The following TMEM131L variants were observed in gnomAD, a reference collection of about 807,000 sequenced individuals.
TMEM131L encodes transmembrane 131 like, also known as transmembrane protein 131-like.
TMEM131L carries 54 observed loss-of-function variants against 192.2 expected under a neutral mutation model. That is an observed-to-expected ratio of 0.28 (90% CI 0.23 to 0.35). The LOEUF (loss-of-function observed/expected upper bound fraction) is 0.35. TMEM131L is among the 10% of genes least tolerant of loss of function. TMEM131L has a pLI of 1.00. For synonymous variants in TMEM131L, 701 were observed against 704.9 expected (o/e 0.99, Z 0.09); for missense variants, 1,888 against 1,972.9 (o/e 0.96, Z 0.82).
chr4:153,604,193 C>A lies in TMEM131L; in HGVS notation c.3181C>A (p.Leu1061Met). ...CTTACTGAATAAAGAAGAAAACACA[C>A]TGAAAAACACAATTGTTTTCAGTAA... ...KNLLNKEENT[L>M]KNTIVFSNPS... Residue 1061 changes from leucine (L) to methionine (M), a missense_variant, in exon 25 of 35, where the codon CTG becomes ATG. Physicochemically the swap from Leu to Met is conservative, Grantham distance 15. Transcript: ENST00000409959. 1 of 1,614,110 alleles carries A rather than the reference C, an allele frequency of 6.2e-7. No homozygotes were observed. Among genetic ancestry groups the A allele is most frequent in the South Asian group, 1.1e-5 (1 of 91,080 alleles).
intron 7 of TMEM131L, among the ~76,000 whole-genome samples, chr4:153,563,869 T>G (rs886827144): frequency 3.3e-5 from 5 of 152,092 alleles, no homozygotes; most frequent in Admixed American, 1.3e-4. Context: ...TGCATTCAGT[T>G]TTTCTTATTC....
intron 6 of TMEM131L, 71 bp downstream of exon 6, chr4:153,557,153 T>C: frequency 1.4e-6 from 1 of 722,554 alleles, no homozygotes; most frequent in Non-Finnish European, 2.5e-6. Context: ...TGTATATTTT[T>C]AAAAAGACTT....
At chr4:153,503,789 A>G (rs1057007518) in intron 3 of TMEM131L, among the ~76,000 whole-genome samples, 2 of 152,198 alleles carry the variant, frequency 1.3e-5, no homozygotes, top group Non-Finnish European at 2.9e-5. Flanking sequence ...AAGTACTCTA[A>G]AAGTGATGAA....
rs139456512 is a variant in TMEM131L at position 153,515,761 on chromosome 4, T to A, written c.240-34312T>A. Among the ~76,000 whole-genome samples, 205 of 152,346 alleles carry A rather than the reference T, an allele frequency of 1.3e-3. 1 individual carries two copies. The highest frequency in any genetic ancestry group is 4.7e-3 in the African/African-American group (197 of 41,572). On this transcript the variant is annotated intron_variant, in intron 3 of 34. Coordinates refer to ENST00000409959, the MANE Select transcript of TMEM131L (RefSeq NM_001131007.2). ...TACATTCTCACCAACCAACAGTTAA[T>A]AGATGAGTTTATTATAGCCCTTCTA...
intron 28 of TMEM131L, 104 bp downstream of exon 28, chr4:153,621,953 C>T: frequency 9.0e-7 from 1 of 1,108,100 alleles, no homozygotes; most frequent in Non-Finnish European, 1.3e-6. Context: ...TTTATCTCTA[C>T]AGGCAACTTA....
At chr4:153,488,240 G>A (rs181830874) in intron 3 of TMEM131L, among the ~76,000 whole-genome samples, 128 of 152,304 alleles carry the variant, frequency 8.4e-4, no homozygotes, top group Non-Finnish European at 9.4e-4. Flanking sequence ...ACCAGTGTGA[G>A]TGGGGTTGTT....
chr4:153,595,064 A>G (rs935646824), intron 19 of TMEM131L, among the ~76,000 whole-genome samples: 26 of 152,314 alleles, frequency 1.7e-4, no homozygotes, highest in African/African-American at 5.8e-4. Flanking sequence ...CCCAAGAAAT[A>G]TTATATATTT....
chr4:153,545,290 C>CTTTTTTTTTTTTTT (rs59852943), intron 3 of TMEM131L, among the ~76,000 whole-genome samples: 1 of 132,326 alleles, frequency 7.6e-6, no homozygotes, highest in East Asian at 2.5e-4. Flanking sequence ...CTTTTTCAAA[C>CTTTTTTTTTTTTTT]TTTTTTTTTT....
At chr4:153,549,926 C>T (rs1213311729) in intron 3 of TMEM131L, 147 bp from the exon 4 acceptor site, 2 of 423,262 alleles carry the variant, frequency 4.7e-6, no homozygotes, top group Non-Finnish European at 8.6e-6. Flanking sequence ...TTATACCAGA[C>T]TTCTAATAGT....
At chr4:153,585,035 C>T (rs1730606357) in intron 12 of TMEM131L, 104 bp downstream of exon 12, 1 of 906,900 alleles carries the variant, frequency 1.1e-6, no homozygotes, top group Non-Finnish European at 1.8e-6. Context: ...GTGATTCTCT[C>T]TCTCACTGGC....
intron 3 of TMEM131L, among the ~76,000 whole-genome samples, chr4:153,546,475 T>C (rs1161751964): frequency 6.6e-6 from 1 of 152,226 alleles, no homozygotes; most frequent in Non-Finnish European, 1.5e-5. Flanking sequence ...TTATCTTTTA[T>C]TGCTATAGTT....
chr4:153,635,312 A>G (rs1158843854), intron 33 of TMEM131L, 120 bp from the exon 34 acceptor site: 3 of 883,266 alleles, frequency 3.4e-6, no homozygotes, highest in Non-Finnish European at 5.4e-6. Flanking sequence ...ACACGGACCA[A>G]GTATTTATGT....
At chr4:153,517,672 T>G (rs996187559) in intron 3 of TMEM131L, among the ~76,000 whole-genome samples, 2 of 152,198 alleles carry the variant, frequency 1.3e-5, no homozygotes, top group Admixed American at 6.5e-5. Flanking sequence ...TACCAGTGAG[T>G]GGGCTCCTGA....
intron 26 of TMEM131L, among the ~76,000 whole-genome samples, chr4:153,613,609 A>G (rs1354998791): frequency 6.6e-6 from 1 of 152,094 alleles, no homozygotes; most frequent in African/African-American, 2.4e-5. Context: ...ACTTTGGTTT[A>G]TTTTTCTTAT....
At chr4:153,590,809 C>T (rs1731014447) in intron 16 of TMEM131L, among the ~76,000 whole-genome samples, 4 of 150,656 alleles carry the variant, frequency 2.7e-5, no homozygotes, top group Non-Finnish European at 1.5e-5. Context: ...CTTCGGCTGG[C>T]TTGTGTGGCC....
intron 34 of TMEM131L, 51 bp from the exon 35 acceptor site, chr4:153,636,250 A>G (rs1476075423): frequency 6.8e-7 from 1 of 1,461,724 alleles, no homozygotes. Flanking sequence ...CACCTTTCTA[A>G]GGCTTTTTTT....
chr4:153,532,515 C>G (rs969484720), intron 3 of TMEM131L, among the ~76,000 whole-genome samples: 4 of 151,710 alleles, frequency 2.6e-5, no homozygotes, highest in African/African-American at 9.7e-5. Context: ...AAGAGTGCAA[C>G]TCAATATTTT....
At chr4:153,546,151 A>G (rs1186413252) in intron 3 of TMEM131L, among the ~76,000 whole-genome samples, 1 of 151,798 alleles carries the variant, frequency 6.6e-6, no homozygotes, top group African/African-American at 2.4e-5. Context: ...TTGTCCTCTT[A>G]AAGTGCGGGG....
chr4:153,504,038 C>T (rs1044232083), intron 3 of TMEM131L, among the ~76,000 whole-genome samples: 1 of 152,092 alleles, frequency 6.6e-6, no homozygotes, highest in African/African-American at 2.4e-5. Flanking sequence ...GCTATCTCGG[C>T]TCACTGCAAG....
Sources: allele counts gnomAD v4.1 joint callset (sites outside exome capture counted in the v4.1 genomes callset), GRCh38; gene constraint gnomAD v4.1.1; transcripts MANE v1.5; gene names NCBI Gene and HGNC (gene_info 2026-07-23, HGNC 2026-07-21).